The following PCBD2 variants were observed in gnomAD, a reference collection of about 807,000 sequenced individuals.
The protein encoded by PCBD2 is pterin-4-alpha-carbinolamine dehydratase 2.
A neutral mutation model predicts 16.4 loss-of-function variants in PCBD2; 12 were observed. The ratio of observed to expected loss-of-function variants is 0.73; its 90% confidence interval spans 0.47 to 1.19. The LOEUF (loss-of-function observed/expected upper bound fraction) is 1.19, where lower values mean the gene tolerates loss of function less well. PCBD2 is among the 50% of genes most tolerant of loss of function. PCBD2 has a pLI of 0.00. For missense variants in PCBD2, 138 were observed against 156.8 expected (o/e 0.88, Z 0.64); for synonymous variants, 58 against 61.8 (o/e 0.94, Z 0.29).
chr5:134,924,544 G>T (rs1461857659), intron 2 of PCBD2: 2 of 398,376 alleles, frequency 5.0e-6, no homozygotes, highest in African/African-American at 4.1e-5. Context: ...GATCCTATTG[G>T]TGCGGGGGCT....
chr5:134,912,946 A>C (rs1750785680), intron 2 of PCBD2, among the ~76,000 whole-genome samples: 1 of 152,174 alleles, frequency 6.6e-6, no homozygotes, highest in African/African-American at 2.4e-5. Flanking sequence ...CAACAGCATA[A>C]CATTAAAATA....
chr5:134,954,075 A>G (rs1247433763), intron 2 of PCBD2, among the ~76,000 whole-genome samples: 1 of 152,010 alleles, frequency 6.6e-6, no homozygotes, highest in Non-Finnish European at 1.5e-5. Flanking sequence ...CCCCAACCTC[A>G]ACCTCCTGAG....
In PCBD2 at chr5:134,960,655, AT is replaced by A. The variant is rs1344108769; in HGVS notation, c.369del (p.Ile123MetfsTer22). 6.2e-7 allele frequency: 1 copy of A among 1,612,748 alleles called. No homozygotes were observed. Among genetic ancestry groups the A allele is most frequent in the Non-Finnish European group, 8.5e-7 (1 of 1,178,760 alleles). ...TKKDVKLAKFIEKAAASV is the reference protein window; with the variant it reads ...TKKDVKLAKFXEKAAASV ...AAAAGATGTGAAGCTGGCCAAGTTT[AT>A]TGAAAAAGCAGCTGCTTCTGTGTGA... On this transcript the variant is annotated frameshift_variant, in exon 4 of 4. Coordinates refer to ENST00000254908, the MANE Select transcript of PCBD2 (RefSeq NM_032151.5). LOFTEE classifies it high-confidence loss of function.
In PCBD2 at chr5:134,961,843, C is replaced by G. The variant is rs1452350382; in HGVS notation, c.*1162C>G. Among the ~76,000 whole-genome samples the G allele has an allele frequency of 6.6e-6, 1 of 151,474 alleles. No individual in the cohort carries two copies. The highest frequency in any genetic ancestry group is 2.0e-4 in the East Asian group (1 of 5,126). The stretch of plus-strand genomic sequence containing the variant: ...GTGGCAGGATCACGGTTTATTGCAG[C>G]CTTAACCTCCTGGGCTCAAGCAGTT... On this transcript the variant is annotated 3_prime_UTR_variant, in exon 4 of 4. Coordinates refer to ENST00000254908, the MANE Select transcript of PCBD2 (RefSeq NM_032151.5).
At chr5:134,929,116 AGG>A (rs1220114023) in intron 2 of PCBD2, among the ~76,000 whole-genome samples, 1 of 152,194 alleles carries the variant, frequency 6.6e-6, no homozygotes, top group Non-Finnish European at 1.5e-5. Flanking sequence ...GTGAGAAGAG[AGG>A]ATGGCTCAGG....
At chr5:134,918,568 G>A (rs182120323) in intron 2 of PCBD2, among the ~76,000 whole-genome samples, 86 of 152,308 alleles carry the variant, frequency 5.6e-4, no homozygotes, top group African/African-American at 2.0e-3. Context: ...TAGTGTTTGT[G>A]TGTCTGGCAC....
At chr5:134,907,763 C>CA (rs975257443) in intron 1 of PCBD2, among the ~76,000 whole-genome samples, 7 of 149,694 alleles carry the variant, frequency 4.7e-5, no homozygotes, top group Non-Finnish European at 7.4e-5. Context: ...GCAGGGACTA[C>CA]AGGCGCCTGC....
intron 2 of PCBD2, among the ~76,000 whole-genome samples, chr5:134,934,315 C>T (rs913614749): frequency 5.3e-5 from 8 of 151,964 alleles, no homozygotes; most frequent in African/African-American, 1.5e-4. Context: ...TTCTTGGGCC[C>T]GATGAATGAC....
intron 2 of PCBD2, among the ~76,000 whole-genome samples, chr5:134,957,938 T>C (rs1417210679): frequency 6.6e-6 from 1 of 152,198 alleles, no homozygotes; most frequent in African/African-American, 2.4e-5. Context: ...GTGAATGATA[T>C]AGAATTGTTT....
intron 2 of PCBD2, among the ~76,000 whole-genome samples, chr5:134,931,165 G>A (rs1207689049): frequency 1.3e-5 from 2 of 152,128 alleles, no homozygotes; most frequent in Non-Finnish European, 2.9e-5. Flanking sequence ...TAATCTGCCT[G>A]CCTTGGCCTC....
At chr5:134,911,169 T>A (rs1361764417) in intron 2 of PCBD2, among the ~76,000 whole-genome samples, 1 of 152,210 alleles carries the variant, frequency 6.6e-6, no homozygotes, top group African/African-American at 2.4e-5. Context: ...TTTCCCTGAC[T>A]TTTTCTGGGC....
intron 2 of PCBD2, among the ~76,000 whole-genome samples, chr5:134,944,767 G>A (rs1751271553): frequency 6.6e-6 from 1 of 152,216 alleles, no homozygotes; most frequent in South Asian, 2.1e-4. Context: ...TGAAATGTAG[G>A]TTGGCTGCAT....
intron 2 of PCBD2, among the ~76,000 whole-genome samples, chr5:134,911,895 C>G (rs1284567177): frequency 6.6e-6 from 1 of 152,170 alleles, no homozygotes; most frequent in Non-Finnish European, 1.5e-5. Context: ...GTACAGTAAG[C>G]CTGTGCATAA....
At chr5:134,957,793 C>T (rs1199223003) in intron 2 of PCBD2, among the ~76,000 whole-genome samples, 2 of 152,330 alleles carry the variant, frequency 1.3e-5, no homozygotes. Context: ...TGTTTTTCCA[C>T]AGATAATTCC....
At chr5:134,945,257 G>A (rs1044747447) in intron 2 of PCBD2, among the ~76,000 whole-genome samples, 1 of 152,180 alleles carries the variant, frequency 6.6e-6, no homozygotes, top group Non-Finnish European at 1.5e-5. Flanking sequence ...TGATGGGATT[G>A]CAAATGAGCT....
chr5:134,954,281 A>C (rs1027267903), intron 2 of PCBD2, among the ~76,000 whole-genome samples: 3 of 152,184 alleles, frequency 2.0e-5, no homozygotes, highest in African/African-American at 7.2e-5. Context: ...AGTTTTACAC[A>C]TTTAAGTATA....
At chr5:134,943,748 G>T (rs2149538093) in intron 2 of PCBD2, among the ~76,000 whole-genome samples, 1 of 152,280 alleles carries the variant, frequency 6.6e-6, no homozygotes, top group South Asian at 2.1e-4. Flanking sequence ...TGGAGCTGGG[G>T]TTGGGGAGCA....
At chr5:134,917,779 C>T (rs1259288236) in intron 2 of PCBD2, among the ~76,000 whole-genome samples, 2 of 152,216 alleles carry the variant, frequency 1.3e-5, no homozygotes, top group African/African-American at 2.4e-5. Flanking sequence ...CACATCCTAG[C>T]AGCAGTAGCA....
At position 134,943,909 on chromosome 5, in the gene PCBD2, G is replaced by A. The variant is rs114203787; in HGVS notation, c.217-15131G>A. ...AGCAAATTAATAAACTTGTAACAAA[G>A]TGTATCAGACCATTTCTTTGGCAAG... On this transcript the variant is annotated intron_variant, in intron 2 of 3. Transcript: ENST00000254908. 8.1e-3 allele frequency among the ~76,000 whole-genome samples: 1,240 copies of A among 152,308 alleles called. 9 individuals carry two copies. Among genetic ancestry groups the A allele is most frequent in the Middle Eastern group, 0.037 (11 of 294 alleles).
Sources: gnomAD v4.1 joint callset for allele counts (sites outside exome capture counted in the v4.1 genomes callset) on GRCh38, gnomAD v4.1.1 for gene constraint, MANE v1.5 for transcripts, NCBI Gene and HGNC (gene_info 2026-07-23, HGNC 2026-07-21) for gene names.